Variants in MORN5 observed in about 807,000 individuals in gnomAD.
MORN5 encodes the protein MORN repeat containing 5, also known as MORN repeat-containing protein 5.
A neutral mutation model predicts 22.1 loss-of-function variants in MORN5; 21 were observed. The ratio of observed to expected loss-of-function variants is 0.95; its 90% confidence interval spans 0.67 to 1.37. The LOEUF is 1.37. Ranked by LOEUF, MORN5 falls within the 40% of genes most tolerant of loss-of-function variation. The pLI, the probability that MORN5 is intolerant of heterozygous loss-of-function variation, is 0.00. For missense variants in MORN5, 211 were observed against 215.1 expected, an observed-to-expected ratio of 0.98 and a Z score of 0.12; for synonymous variants, 73 against 74.0, an observed-to-expected ratio of 0.99 and a Z score of 0.07.
Position 122,159,941 on chromosome 9 carries a change from A to G in MORN5, c.-32A>G. 1 of 1,611,466 alleles carries G rather than the reference A, an allele frequency of 6.2e-7. No homozygotes were observed. The highest frequency in any genetic ancestry group is 8.5e-7 in the Non-Finnish European group (1 of 1,177,604). On this transcript the variant is annotated 5_prime_UTR_variant, in exon 1 of 5. Transcript: ENST00000373764. ...GATGCCGTATCCACTGAGACTCCGG[A>G]TCCTAACAGCTGGAAGCTAAAAACA... is the stretch of plus-strand genomic sequence containing the variant.
chr9:122,194,033 A>G (rs1438282973), intron 4 of MORN5, among the ~76,000 whole-genome samples: 1 of 152,204 alleles, frequency 6.6e-6, no homozygotes, highest in Non-Finnish European at 1.5e-5. Flanking sequence ...TCTTCTCTAT[A>G]AAAAGCCCAG....
chr9:122,171,424 C>T (rs1403856328), intron 3 of MORN5, among the ~76,000 whole-genome samples: 2 of 152,160 alleles, frequency 1.3e-5, no homozygotes, highest in African/African-American at 4.8e-5. Flanking sequence ...AACATCCCCC[C>T]ACCCCCAGTT....
At chr9:122,163,001 A>G (rs1212821357) in intron 1 of MORN5, among the ~76,000 whole-genome samples, 1 of 151,972 alleles carries the variant, frequency 6.6e-6, no homozygotes, top group African/African-American at 2.4e-5. Flanking sequence ...ACTTAAAAAA[A>G]AAACCTTAAA....
chr9:122,166,389 A>G (rs1434174074), intron 1 of MORN5, among the ~76,000 whole-genome samples: 1 of 151,954 alleles, frequency 6.6e-6, no homozygotes, highest in Non-Finnish European at 1.5e-5. Flanking sequence ...TGGGTTGGTC[A>G]TGGGGGACAG....
intron 3 of MORN5, among the ~76,000 whole-genome samples, chr9:122,171,884 T>C (rs1829369561): frequency 6.7e-6 from 1 of 149,916 alleles, no homozygotes; most frequent in Admixed American, 6.6e-5. Flanking sequence ...CTTGATGACC[T>C]GACTCCGGAG....
intron 4 of MORN5, among the ~76,000 whole-genome samples, chr9:122,178,724 G>A (rs1197325048): frequency 1.3e-5 from 2 of 152,152 alleles, no homozygotes; most frequent in Admixed American, 6.6e-5. Flanking sequence ...TTTACCAGTA[G>A]GGTGATCAAA....
chr9:122,164,510 T>C (rs1025065325), intron 1 of MORN5: 1 of 955,782 alleles, frequency 1.0e-6, no homozygotes, highest in Admixed American at 6.2e-5. Context: ...CTCCTGGCCT[T>C]GAACCAGAGG....
Position 122,178,503 on chromosome 9 carries a change from A to C in MORN5, c.439+3876A>C, listed in dbSNP as rs547564506. Among the ~76,000 whole-genome samples, 4 of 152,334 alleles carry C rather than the reference A, an allele frequency of 2.6e-5. No individual in the cohort carries two copies. The South Asian group carries it at 8.3e-4, about 32-fold the overall frequency. On this transcript the variant is annotated intron_variant, in intron 4 of 4. Transcript: ENST00000373764. ...ACCCCCTCTCAAAACAAAACAAAAC[A>C]AAATGTGCATATAGATTAATAAATA...
intron 1 of MORN5, chr9:122,164,598 G>T: frequency 1.0e-6 from 1 of 985,682 alleles, no homozygotes; most frequent in Non-Finnish European, 1.2e-6. Flanking sequence ...TCTGTTTTAG[G>T]CGAGTTGGAG....
chr9:122,160,972 A>G (rs1458555057), intron 1 of MORN5, among the ~76,000 whole-genome samples: 1 of 152,230 alleles, frequency 6.6e-6, no homozygotes, highest in Non-Finnish European at 1.5e-5. Flanking sequence ...TCATTCAAAC[A>G]TGATGCGACA....
At chr9:122,199,090 CAG>C (rs1829956754) in intron 4 of MORN5, among the ~76,000 whole-genome samples, 1 of 152,068 alleles carries the variant, frequency 6.6e-6, no homozygotes, top group Non-Finnish European at 1.5e-5. Flanking sequence ...GGGTCTTGCA[CAG>C]AGAGATGATG....
chr9:122,164,601 A>T (rs1387394459), intron 1 of MORN5: 4 of 985,548 alleles, frequency 4.1e-6, no homozygotes, highest in Non-Finnish European at 3.6e-6. Context: ...GTTTTAGGCG[A>T]GTTGGAGATG....
chr9:122,176,736 G>A (rs1829457048), intron 4 of MORN5, among the ~76,000 whole-genome samples: 1 of 152,100 alleles, frequency 6.6e-6, no homozygotes, highest in Admixed American at 6.5e-5. Flanking sequence ...AAATTAGCTG[G>A]GCGTGGTGGT....
chr9:122,170,159 G>A (rs1280168901), intron 3 of MORN5, among the ~76,000 whole-genome samples: 1 of 152,102 alleles, frequency 6.6e-6, no homozygotes, highest in African/African-American at 2.4e-5. Context: ...TTAGCCGGGT[G>A]TGGTGGCATG....
chr9:122,165,395 C>CAAAAAA (rs59306308), intron 1 of MORN5, among the ~76,000 whole-genome samples: 39 of 82,898 alleles, frequency 4.7e-4, no homozygotes, highest in African/African-American at 1.1e-3. Flanking sequence ...CCCGTCTCTA[C>CAAAAAA]AAAAAAAAAA....
At chr9:122,183,724 A>C (rs1421429280) in intron 4 of MORN5, among the ~76,000 whole-genome samples, 1 of 152,226 alleles carries the variant, frequency 6.6e-6, no homozygotes, top group Non-Finnish European at 1.5e-5. Context: ...CCTAGAGCTC[A>C]CAAATCTTTC....
At chr9:122,195,968 A>ATTTATTTATTTATTTATTTATT (rs1829879248) in intron 4 of MORN5, among the ~76,000 whole-genome samples, 26 of 147,488 alleles carry the variant, frequency 1.8e-4, no homozygotes, top group African/African-American at 6.4e-4. Context: ...ATTTTGTTTT[A>ATTTATTTATTTATTTATTTATT]TATTTATTTA....
chr9:122,174,628 G>C lies in MORN5; in HGVS notation c.439+1G>C. Reference sequence around the variant, plus strand: ...AGGAACCGCTTTCTAAGAAACGCAGGTAGGTTTCTTCCGACACTGCAGCAC... The same window carrying C: ...AGGAACCGCTTTCTAAGAAACGCAGCTAGGTTTCTTCCGACACTGCAGCAC... On this transcript the variant is annotated splice_donor_variant, in intron 4 of 4. Coordinates refer to ENST00000373764, the MANE Select transcript of MORN5 (RefSeq NM_198469.4). LOFTEE classifies it high-confidence loss of function. 1 of 1,614,112 alleles carries C rather than the reference G, an allele frequency of 6.2e-7. No homozygotes were observed. Among genetic ancestry groups the C allele is most frequent in the Non-Finnish European group, 8.5e-7 (1 of 1,180,014 alleles).
At chr9:122,191,875 C>T (rs558056151) in intron 4 of MORN5, among the ~76,000 whole-genome samples, 44 of 152,372 alleles carry the variant, frequency 2.9e-4, no homozygotes, top group Non-Finnish European at 5.4e-4. Context: ...CAGGCTCCCC[C>T]TCCATCCTGG....
Sources: gnomAD v4.1 joint callset for allele counts (sites outside exome capture counted in the v4.1 genomes callset) on GRCh38, gnomAD v4.1.1 for gene constraint, MANE v1.5 for transcripts, NCBI Gene and HGNC (gene_info 2026-07-23, HGNC 2026-07-21) for gene names.